The following LRRC69 variants were observed in gnomAD, a reference collection of about 807,000 sequenced individuals.
The protein encoded by LRRC69 is leucine rich repeat containing 69.
Under a neutral mutation model 37.8 loss-of-function variants are expected in LRRC69, and 42 were observed. The observed-to-expected ratio is 1.11, with a 90% CI of 0.87 to 1.44. The LOEUF (loss-of-function observed/expected upper bound fraction) is 1.44. Ranked by LOEUF, LRRC69 falls within the 40% of genes most tolerant of loss-of-function variation. The pLI is 0.00. For synonymous variants in LRRC69, 141 were observed against 143.1 expected, an observed-to-expected ratio of 0.99 and a Z score of 0.11; for missense variants, 357 against 401.9, an observed-to-expected ratio of 0.89 and a Z score of 0.96.
In LRRC69 at chr8:91,178,429, G is replaced by T. The variant is rs1466187912; in HGVS notation, c.652-11093G>T. Among the ~76,000 whole-genome samples the T allele has an allele frequency of 2.0e-5, 3 of 151,988 alleles. No individual in the cohort carries two copies. The East Asian group carries it at 5.8e-4, about 29-fold the overall frequency. ...TAGATGACTTTCTTCCTAATAGAAG[G>T]AAGAGCTTCAGGGGCAATCCAATAA... On this transcript the variant is annotated intron_variant, in intron 5 of 7. Coordinates refer to ENST00000448384, the Ensembl canonical transcript of LRRC69.
intron 5 of LRRC69, among the ~76,000 whole-genome samples, chr8:91,171,512 A>G (rs1809131649): frequency 6.6e-6 from 1 of 152,048 alleles, no homozygotes; most frequent in South Asian, 2.1e-4. Context: ...TGGGCCAGAT[A>G]TGTGGGAGAG....
chr8:91,137,890 G>A (rs976531546), intron 5 of LRRC69, among the ~76,000 whole-genome samples: 12 of 152,042 alleles, frequency 7.9e-5, no homozygotes, highest in Non-Finnish European at 1.3e-4. Flanking sequence ...CAAAATAATG[G>A]TAGAGAACAT....
At chr8:91,196,639 G>T (rs1343229767) in intron 6 of LRRC69, among the ~76,000 whole-genome samples, 3 of 152,074 alleles carry the variant, frequency 2.0e-5, no homozygotes, top group African/African-American at 7.2e-5. Flanking sequence ...GATCGCATCA[G>T]CTCCTGAGGC....
intron 5 of LRRC69, among the ~76,000 whole-genome samples, chr8:91,167,634 G>A (rs1285889969): frequency 6.6e-6 from 1 of 151,950 alleles, no homozygotes; most frequent in Admixed American, 6.6e-5. Flanking sequence ...GCGCCAGAGC[G>A]GAACCCTCGT....
chr8:91,147,245 CATATA>C (rs1280953906), intron 5 of LRRC69, among the ~76,000 whole-genome samples: 55 of 130,924 alleles, frequency 4.2e-4, no homozygotes, highest in Non-Finnish European at 5.7e-4. Context: ...TATATATAAA[CATATA>C]ATATATATTA....
chr8:91,150,427 G>T (rs1212286966), intron 5 of LRRC69, among the ~76,000 whole-genome samples: 1 of 151,928 alleles, frequency 6.6e-6, no homozygotes, highest in East Asian at 1.9e-4. Flanking sequence ...GCATCCCAGA[G>T]ATGAAGCCCA....
chr8:91,191,065 G>A (rs1285491186), intron 6 of LRRC69, among the ~76,000 whole-genome samples: 1 of 130,270 alleles, frequency 7.7e-6, no homozygotes, highest in Non-Finnish European at 1.6e-5. Flanking sequence ...AAGTCAAAAA[G>A]CAACAACAAC....
At chr8:91,117,194 C>A (rs911694149) in intron 1 of LRRC69, among the ~76,000 whole-genome samples, 3 of 151,844 alleles carry the variant, frequency 2.0e-5, no homozygotes, top group Non-Finnish European at 4.4e-5. Context: ...ATCTTTTGGG[C>A]AGCTGTTTAG....
intron 7 of LRRC69, among the ~76,000 whole-genome samples, chr8:91,209,087 C>G (rs1294421816): frequency 6.6e-6 from 1 of 152,074 alleles, no homozygotes; most frequent in Non-Finnish European, 1.5e-5. Flanking sequence ...AGGTGGTGTC[C>G]TTTGTGTCAT....
intron 6 of LRRC69, among the ~76,000 whole-genome samples, chr8:91,199,674 A>T (rs990822388): frequency 2.0e-5 from 3 of 152,156 alleles, no homozygotes; most frequent in Non-Finnish European, 1.5e-5. Context: ...GTACCAAATA[A>T]ATCATCCCCA....
chr8:91,128,120 G>A (rs1023419939), intron 3 of LRRC69, among the ~76,000 whole-genome samples: 2 of 151,646 alleles, frequency 1.3e-5, no homozygotes, highest in Admixed American at 6.6e-5. Flanking sequence ...TGTATATATT[G>A]ATGATGATAT....
intron 5 of LRRC69, among the ~76,000 whole-genome samples, chr8:91,169,680 C>T (rs1485687510): frequency 3.7e-5 from 4 of 106,704 alleles, no homozygotes; most frequent in African/African-American, 1.8e-4. Flanking sequence ...CCCCTACCCC[C>T]ACCCCACAAC....
At chr8:91,152,535 G>C (rs1001552546) in intron 5 of LRRC69, among the ~76,000 whole-genome samples, 1 of 151,594 alleles carries the variant, frequency 6.6e-6, no homozygotes, top group African/African-American at 2.4e-5. Context: ...CTGTAGCCTT[G>C]TAGTATAGTT....
intron 5 of LRRC69, among the ~76,000 whole-genome samples, chr8:91,144,605 T>G (rs374998937): frequency 6.6e-6 from 1 of 152,120 alleles, no homozygotes. Flanking sequence ...ACTCGTTGCC[T>G]ACTACTTATC....
At chr8:91,211,308 A>G (rs997304129) in intron 7 of LRRC69, among the ~76,000 whole-genome samples, 4 of 152,044 alleles carry the variant, frequency 2.6e-5, no homozygotes, top group South Asian at 2.1e-4. Context: ...GTATATCACA[A>G]TGGAATTAGA....
At chr8:91,191,844 T>C (rs1411064907) in intron 6 of LRRC69, among the ~76,000 whole-genome samples, 2 of 152,140 alleles carry the variant, frequency 1.3e-5, no homozygotes, top group East Asian at 3.8e-4. Flanking sequence ...AGTTAATTTT[T>C]TTTTTCTTTT....
At chr8:91,137,452 T>C (rs1270161501) in intron 5 of LRRC69, among the ~76,000 whole-genome samples, 1 of 152,038 alleles carries the variant, frequency 6.6e-6, no homozygotes, top group Non-Finnish European at 1.5e-5. Flanking sequence ...ATACCTGCAG[T>C]GTCTTGAATT....
chr8:91,153,432 AC>A (rs1808777068), intron 5 of LRRC69, among the ~76,000 whole-genome samples: 1 of 151,042 alleles, frequency 6.6e-6, no homozygotes. Flanking sequence ...GCCACGTGGT[AC>A]TTACTCTAAA....
At chr8:91,196,411 G>A (rs1809601834) in intron 6 of LRRC69, among the ~76,000 whole-genome samples, 2 of 151,880 alleles carry the variant, frequency 1.3e-5, no homozygotes, top group South Asian at 2.1e-4. Context: ...GATTGGGGAA[G>A]TTCTCCTGGA....
Sources: gnomAD v4.1 joint callset for allele counts (sites outside exome capture counted in the v4.1 genomes callset) on GRCh38, gnomAD v4.1.1 for gene constraint, MANE v1.5 for transcripts, NCBI Gene and HGNC (gene_info 2026-07-23, HGNC 2026-07-21) for gene names.